RABGAP1: variants seen among roughly 807,000 people sequenced by gnomAD.
RABGAP1 encodes rab GTPase-activating protein 1.
In RABGAP1, 23 loss-of-function variants were observed where a neutral mutation model predicts 137.6. That is an observed-to-expected ratio of 0.17 (90% CI 0.12 to 0.24). RABGAP1 has a LOEUF of 0.24. Ranked by LOEUF, RABGAP1 falls within the 10% of genes least tolerant of loss-of-function variation. The probability of loss-of-function intolerance (pLI) is 1.00; values close to 1 mark genes in which losing one functional copy is unlikely to be tolerated. For missense variants in RABGAP1, 906 were observed against 1,275.8 expected, an observed-to-expected ratio of 0.71 and a Z score of 4.42; for synonymous variants, 451 against 450.7, an observed-to-expected ratio of 1.00 and a Z score of -0.01.
At chr9:122,953,294 A>T (rs1834348421) in intron 1 of RABGAP1, among the ~76,000 whole-genome samples, 1 of 152,166 alleles carries the variant, frequency 6.6e-6, no homozygotes, top group African/African-American at 2.4e-5. Flanking sequence ...TTTTATGTAT[A>T]GTCCTTAGTA....
intron 10 of RABGAP1, among the ~76,000 whole-genome samples, chr9:123,009,613 T>C (rs1251621200): frequency 6.6e-6 from 1 of 152,244 alleles, no homozygotes; most frequent in Non-Finnish European, 1.5e-5. Context: ...TAATATGGAA[T>C]GTTAATGTAC....
chr9:122,980,588 G>C (rs1835991993), intron 2 of RABGAP1, among the ~76,000 whole-genome samples: 1 of 152,164 alleles, frequency 6.6e-6, no homozygotes, highest in Admixed American at 6.5e-5. Flanking sequence ...CTTTACATCT[G>C]AAAGGCTAAA....
At chr9:123,046,404 G>C (rs959113379) in intron 13 of RABGAP1, among the ~76,000 whole-genome samples, 21 of 152,112 alleles carry the variant, frequency 1.4e-4, no homozygotes, top group African/African-American at 4.6e-4. Flanking sequence ...ATGAAGGGGG[G>C]CTGTTTATAT....
intron 13 of RABGAP1, among the ~76,000 whole-genome samples, chr9:123,053,756 G>A (rs10739621): frequency 1 from 151,692 of 152,342 alleles, 75,526 homozygotes; most frequent in Middle Eastern, 1. Context: ...TCTTTGGGCA[G>A]CAAGCTACTC....
intron 13 of RABGAP1, among the ~76,000 whole-genome samples, chr9:123,030,997 A>G (rs2032268829): frequency 6.6e-6 from 1 of 152,146 alleles, no homozygotes; most frequent in African/African-American, 2.4e-5. Context: ...TTTAGCTCCT[A>G]GAGTGGTTTC....
intron 1 of RABGAP1, among the ~76,000 whole-genome samples, chr9:122,945,146 G>GTTTTTTTTTTTTTTTTT (rs1564348056): frequency 3.3e-4 from 3 of 9,182 alleles, no homozygotes; most frequent in East Asian, 1.3e-3. Flanking sequence ...CATAGCTGTT[G>GTTTTTTTTTTTTTTTTT]CTTTTTTTTT....
intron 2 of RABGAP1, among the ~76,000 whole-genome samples, chr9:122,977,391 G>A (rs1017529604): frequency 2.0e-5 from 3 of 152,156 alleles, no homozygotes; most frequent in Non-Finnish European, 4.4e-5. Flanking sequence ...GTGAATGGTA[G>A]TGCAACTCAT....
chr9:123,059,472 G>A (rs1388987185), intron 13 of RABGAP1, among the ~76,000 whole-genome samples: 2 of 152,060 alleles, frequency 1.3e-5, no homozygotes, highest in African/African-American at 2.4e-5. Context: ...GGAGAATGGC[G>A]TGAACCCGGG....
chr9:122,956,040 A>G (rs547460170), intron 1 of RABGAP1, among the ~76,000 whole-genome samples: 1 of 152,338 alleles, frequency 6.6e-6, no homozygotes, highest in South Asian at 2.1e-4. Flanking sequence ...CCAAGACTCA[A>G]TAAATAATTG....
chr9:123,078,470 AT>A (rs2034591910), intron 19 of RABGAP1, among the ~76,000 whole-genome samples: 1 of 152,172 alleles, frequency 6.6e-6, no homozygotes, highest in Non-Finnish European at 1.5e-5. Flanking sequence ...CCAAGAAATG[AT>A]GGCTACGACT....
At chr9:123,085,731 A>G (rs1484426997) in intron 19 of RABGAP1, among the ~76,000 whole-genome samples, 1 of 152,230 alleles carries the variant, frequency 6.6e-6, no homozygotes, top group Non-Finnish European at 1.5e-5. Flanking sequence ...CTGTTCATTA[A>G]GTGTTTTCAT....
chr9:122,961,100 A>G (rs558168436), intron 2 of RABGAP1, among the ~76,000 whole-genome samples: 2 of 152,306 alleles, frequency 1.3e-5, no homozygotes, highest in South Asian at 4.1e-4. Context: ...TGACTAGAAA[A>G]AAAATTTTAA....
intron 13 of RABGAP1, chr9:123,034,963 A>G: frequency 6.2e-7 from 1 of 1,613,742 alleles, no homozygotes; most frequent in Non-Finnish European, 8.5e-7. Context: ...TGCCATTACT[A>G]AACCTTTAAC....
rs1001359981 is a variant in RABGAP1 at position 123,029,770 on chromosome 9, C to T, written c.1794+9311C>T. On this transcript the variant is annotated intron_variant, in intron 13 of 25. Transcript: ENST00000373647. ...GGGTGGCATCGTGAAGCTCGGAGAG[C>T]AGTGGCGAACACTGCAGCCTTGCTA... The T allele has an allele frequency of 1.2e-5, 7 of 586,018 alleles. No individual in the cohort carries two copies. The East Asian group carries it at 3.0e-4, about 25-fold the overall frequency. 36.3% of individuals were successfully genotyped at this position (586,018 alleles called of 1,614,324 possible).
chr9:123,029,336 TA>T lies in RABGAP1; in HGVS notation c.1794+8880del, dbSNP rs768373871. On this transcript the variant is annotated intron_variant, in intron 13 of 25. Coordinates refer to ENST00000373647, the MANE Select transcript of RABGAP1 (RefSeq NM_012197.4). ...AAGCTCATTTTTTTTTTTTACTTAA[TA>T]AAGTTTTATTTTTCCAAATGTAGAG... 287 of 751,100 alleles carry T rather than the reference TA, an allele frequency of 3.8e-4. 1 individual carries two copies. The highest frequency in any genetic ancestry group is 2.7e-3 in the Admixed American group (117 of 43,854). The allele number at this position is 751,100 out of a possible 1,614,324, so 46.5% of individuals were successfully genotyped here.
At chr9:123,059,560 A>G (rs2033885676) in intron 13 of RABGAP1, among the ~76,000 whole-genome samples, 3 of 152,184 alleles carry the variant, frequency 2.0e-5, no homozygotes, top group Non-Finnish European at 2.9e-5. Flanking sequence ...GTCTCAAAAT[A>G]AATAAAAATT....
intron 5 of RABGAP1, 112 bp from the exon 6 acceptor site, chr9:122,989,944 A>T: frequency 8.2e-7 from 1 of 1,222,582 alleles, no homozygotes; most frequent in Non-Finnish European, 1.1e-6. Context: ...ACCAAAAGAA[A>T]TAAGTGGGAT....
chr9:122,935,540 A>G, the RABGAP1 span, among the ~76,000 whole-genome samples: 2 of 152,024 alleles, frequency 1.3e-5, no homozygotes, highest in Non-Finnish European at 2.9e-5. Flanking sequence ...GAGTTTCACC[A>G]ATATTGGTCA....
intron 12 of RABGAP1, among the ~76,000 whole-genome samples, chr9:123,018,717 G>T (rs2031414363): frequency 6.6e-6 from 1 of 152,250 alleles, no homozygotes; most frequent in Non-Finnish European, 1.5e-5. Context: ...TAGGGCACCA[G>T]TGTCACAGAA....
Sources: allele counts gnomAD v4.1 joint callset (sites outside exome capture counted in the v4.1 genomes callset), GRCh38; gene constraint gnomAD v4.1.1; transcripts MANE v1.5; gene names NCBI Gene and HGNC (gene_info 2026-07-23, HGNC 2026-07-21).